The following RAPGEF2 variants were observed in gnomAD, a reference collection of about 807,000 sequenced individuals.
RAPGEF2 encodes Rap guanine nucleotide exchange factor 2.
RAPGEF2 carries 54 observed loss-of-function variants against 186.7 expected under a neutral mutation model. The ratio of observed to expected loss-of-function variants is 0.29; its 90% CI spans 0.23 to 0.36. The LOEUF is 0.36. Ranked by LOEUF, RAPGEF2 falls within the 10% of genes least tolerant of loss-of-function variation. The probability of loss-of-function intolerance (pLI) is 1.00; values close to 1 mark genes in which losing one functional copy is unlikely to be tolerated. For missense variants in RAPGEF2, 1,532 were observed against 2,045.0 expected (o/e 0.75, Z 4.84); for synonymous variants, 712 against 705.9 (o/e 1.01, Z -0.14).
At chr4:159,315,692 G>C (rs1764503335) in intron 9 of RAPGEF2, among the ~76,000 whole-genome samples, 1 of 152,180 alleles carries the variant, frequency 6.6e-6, no homozygotes, top group Non-Finnish European at 1.5e-5. Context: ...CTGGACAGGG[G>C]GCCCTTCCCT....
chr4:159,264,007 T>A (rs1208703804), intron 7 of RAPGEF2, among the ~76,000 whole-genome samples: 1 of 152,206 alleles, frequency 6.6e-6, no homozygotes, highest in Admixed American at 6.5e-5. Context: ...TAGTTAATGC[T>A]ACTTGGTAAT....
intron 1 of RAPGEF2, among the ~76,000 whole-genome samples, chr4:159,121,985 G>A (rs1387134532): frequency 7.2e-6 from 1 of 138,834 alleles, no homozygotes; most frequent in Non-Finnish European, 1.5e-5. Context: ...GTTGCAGTGA[G>A]GTGAGATCGC....
chr4:159,150,009 TTC>T (rs35190638), intron 1 of RAPGEF2, among the ~76,000 whole-genome samples: 52,943 of 151,908 alleles, frequency 0.35, 9,304 homozygotes, highest in South Asian at 0.37. Context: ...ACTTAGAATG[TTC>T]TGTTTTTCTT....
At chr4:159,173,158 A>G (rs1746092219) in intron 1 of RAPGEF2, among the ~76,000 whole-genome samples, 1 of 152,230 alleles carries the variant, frequency 6.6e-6, no homozygotes, top group Non-Finnish European at 1.5e-5. Context: ...AAAACATTCA[A>G]GATGGGAAAA....
chr4:159,340,088 T>C (rs1729181379), intron 19 of RAPGEF2, among the ~76,000 whole-genome samples: 1 of 152,222 alleles, frequency 6.6e-6, no homozygotes, highest in African/African-American at 2.4e-5. Context: ...TTGCTTTGGT[T>C]CTCATAGTGG....
chr4:159,186,792 C>A, intron 2 of RAPGEF2, 80 bp downstream of exon 2: 1 of 771,272 alleles, frequency 1.3e-6, no homozygotes, highest in South Asian at 1.9e-5. Context: ...TAATTTTTTA[C>A]TTTTATTCTT....
At chr4:159,356,694 A>G (rs1732059829) in intron 29 of RAPGEF2, among the ~76,000 whole-genome samples, 1 of 152,114 alleles carries the variant, frequency 6.6e-6, no homozygotes, top group Middle Eastern at 3.2e-3. Context: ...TGAGCTCAGG[A>G]GTTTGAGACC....
At chr4:159,304,903 T>C (rs1763098785) in intron 8 of RAPGEF2, among the ~76,000 whole-genome samples, 1 of 152,156 alleles carries the variant, frequency 6.6e-6, no homozygotes, top group South Asian at 2.1e-4. Flanking sequence ...TGTGTAAACA[T>C]TATTTAGCTC....
At chr4:159,355,638 A>C (rs1443848104) in intron 28 of RAPGEF2, among the ~76,000 whole-genome samples, 1 of 152,134 alleles carries the variant, frequency 6.6e-6, no homozygotes, top group Non-Finnish European at 1.5e-5. Flanking sequence ...TTCTCTCACC[A>C]ATTATTTCAC....
At chr4:159,322,548 C>T in intron 10 of RAPGEF2, 65 bp downstream of exon 10, 1 of 1,391,288 alleles carries the variant, frequency 7.2e-7, no homozygotes, top group Middle Eastern at 1.8e-4. Context: ...AGCAATTGAA[C>T]AAAACCCCAA....
chr4:159,216,481 G>A (rs553807673), intron 4 of RAPGEF2, among the ~76,000 whole-genome samples: 1 of 152,194 alleles, frequency 6.6e-6, no homozygotes, highest in East Asian at 1.9e-4. Flanking sequence ...ACATGATAAA[G>A]AACATGAGTG....
intron 4 of RAPGEF2, among the ~76,000 whole-genome samples, chr4:159,230,819 T>C (rs1004957907): frequency 3.9e-5 from 6 of 152,300 alleles, no homozygotes; most frequent in East Asian, 3.9e-4. Context: ...TATAGCTGTT[T>C]GTGTACTTGT....
intron 1 of RAPGEF2, among the ~76,000 whole-genome samples, chr4:159,156,736 G>A (rs1176150789): frequency 6.6e-6 from 1 of 152,048 alleles, no homozygotes; most frequent in South Asian, 2.1e-4. Flanking sequence ...GAGAACCTGC[G>A]GTGTTTGGTT....
Position 159,353,550 on chromosome 4 carries a change from A to C in RAPGEF2, c.4155A>C (p.Pro1385=). The C allele has an allele frequency of 6.4e-7, 1 of 1,554,994 alleles. No individual in the cohort carries two copies. Among genetic ancestry groups the C allele is most frequent in the Non-Finnish European group, 8.7e-7 (1 of 1,154,490 alleles). The part of the protein sequence containing the change: ...LYATATVISS[P]STEELSQDQG... ...CTACAGCTACAGTAATTTCTTCTCC[A>C]AGCACAGAGGAACTTTCCCAGGATC... The change falls in exon 28 of 30, where the codon CCA becomes CCC. Residue 1385 remains proline, a synonymous_variant. Transcript: ENST00000691494. The surrounding 1 kb of genome is among the most constrained non-coding windows in gnomAD (Gnocchi z 4.3).
intron 7 of RAPGEF2, among the ~76,000 whole-genome samples, chr4:159,266,527 G>T (rs1010593573): frequency 1.3e-5 from 2 of 151,984 alleles, no homozygotes; most frequent in Non-Finnish European, 2.9e-5. Context: ...ATAGAATAAT[G>T]TATCCGCATT....
intron 1 of RAPGEF2, among the ~76,000 whole-genome samples, chr4:159,155,511 G>A (rs1036529287): frequency 3.2e-4 from 43 of 133,898 alleles, no homozygotes; most frequent in African/African-American, 1.2e-3. Context: ...TTTCCAGGTA[G>A]GGGAACATGT....
chr4:159,325,447 ACTAAT>A (rs999523582), intron 11 of RAPGEF2, among the ~76,000 whole-genome samples: 8 of 152,174 alleles, frequency 5.3e-5, no homozygotes, highest in South Asian at 2.1e-4. Context: ...TTAAAAAAAA[ACTAAT>A]CTAAACTGAG....
At chr4:159,248,552 T>C (rs1025931300) in intron 7 of RAPGEF2, among the ~76,000 whole-genome samples, 1 of 152,204 alleles carries the variant, frequency 6.6e-6, no homozygotes, top group Non-Finnish European at 1.5e-5. Context: ...AATGGGTGGA[T>C]GTAACAATAC....
At chr4:159,324,156 A>C (rs1447825558) in intron 11 of RAPGEF2, among the ~76,000 whole-genome samples, 1 of 151,942 alleles carries the variant, frequency 6.6e-6, no homozygotes, top group African/African-American at 2.4e-5. Context: ...CAGCCTCCCA[A>C]AGTGCTGGGA....
Sources: gnomAD v4.1 joint callset for allele counts (sites outside exome capture counted in the v4.1 genomes callset) on GRCh38, gnomAD v4.1.1 for gene constraint, Gnocchi (gnomAD v3.1) non-coding constraint, MANE v1.5 for transcripts, NCBI Gene and HGNC (gene_info 2026-07-23, HGNC 2026-07-21) for gene names.